GUCY2D: variants seen among roughly 807,000 people sequenced by gnomAD.
The protein encoded by GUCY2D is retinal guanylyl cyclase 1.
GUCY2D carries 70 observed loss-of-function variants against 101.3 expected under a neutral mutation model. The ratio of observed to expected loss-of-function variants is 0.69; its 90% CI spans 0.57 to 0.84. The LOEUF (loss-of-function observed/expected upper bound fraction) is 0.84. GUCY2D is among the 40% of genes least tolerant of loss of function. The probability of loss-of-function intolerance (pLI) is 0.00; values close to 1 mark genes in which losing one functional copy is unlikely to be tolerated. For synonymous variants in GUCY2D, 688 were observed against 670.7 expected (o/e 1.03, Z -0.40); for missense variants, 1,460 against 1,542.5 (o/e 0.95, Z 0.90).
Position 8,016,477 on chromosome 17 carries a change from C to A in GUCY2D, c.3259C>A (p.Pro1087Thr). 6.3e-7 allele frequency: 1 copy of A among 1,579,698 alleles called. No individual in the cohort carries two copies. Among genetic ancestry groups the A allele is most frequent in the Non-Finnish European group, 8.6e-7 (1 of 1,163,338 alleles). ...CCACGGCATCAGCCTGCAGGAGATC[C>A]CACCCGAGCGGCGACGGAAGCTGGA... ...SNHGISLQEI[P>T]PERRRKLEKA... is the part of the protein sequence containing the mutation. The change falls in exon 19 of 20, where the codon CCA becomes ACA. Residue 1087 changes from proline to threonine, a missense_variant. Pro to Thr is a conservative substitution (Grantham distance 38). Coordinates refer to ENST00000254854, the MANE Select transcript of GUCY2D (RefSeq NM_000180.4).
chr17:8,005,889 GT>G (rs1003249705), intron 3 of GUCY2D, among the ~76,000 whole-genome samples: 2 of 152,058 alleles, frequency 1.3e-5, no homozygotes, highest in African/African-American at 2.4e-5. Context: ...TTTTTGTTTA[GT>G]TTTTTTGTTT....
At chr17:8,012,089 C>T (rs1975860369) in intron 8 of GUCY2D, 55 bp from the exon 9 acceptor site, 3 of 1,208,416 alleles carry the variant, frequency 2.5e-6, no homozygotes. Flanking sequence ...TGATTAACAG[C>T]CCCTTCCCCA....
chr17:8,005,702 C>G (rs1360110893), intron 3 of GUCY2D, among the ~76,000 whole-genome samples: 1 of 152,132 alleles, frequency 6.6e-6, no homozygotes, highest in African/African-American at 2.4e-5. Flanking sequence ...ATTGCACTGC[C>G]TGAACACCCC....
chr17:8,012,185 G>A lies in GUCY2D; in HGVS notation c.1791G>A (p.Gly597=), dbSNP rs756031060. Residue 597 remains glycine (G), a synonymous_variant, in exon 9 of 20, where the codon GGG becomes GGA. Transcript: ENST00000254854. Reference sequence around the variant, plus strand: ...ATGAGAACGTGGCCCTCTACCTGGGGCTTTTCCTGGCTCGGGGAGCAGAAG... The same window carrying A: ...ATGAGAACGTGGCCCTCTACCTGGGACTTTTCCTGGCTCGGGGAGCAGAAG... ...LRHENVALYL[G]LFLARGAEGP... The A allele has an allele frequency of 9.3e-6, 15 of 1,614,144 alleles. No individual in the cohort carries two copies. The highest frequency in any genetic ancestry group is 3.3e-4 in the Middle Eastern group (2 of 6,006).
At position 8,007,957 on chromosome 17, in the gene GUCY2D, G is replaced by A. The variant is rs770148893; in HGVS notation, c.1593G>A (p.Leu531=). 5 of 1,613,462 alleles carry A rather than the reference G, an allele frequency of 3.1e-6. No homozygotes were observed. Among genetic ancestry groups the A allele is most frequent in the Non-Finnish European group, 4.2e-6 (5 of 1,179,454 alleles). Residue 531 remains leucine, a synonymous_variant, in exon 7 of 20, where the codon CTG becomes CTA. Transcript: ENST00000254854. ...TGGCCCAGGGGAGTCGATCAAGTCT[G>A]GGTGCCCGCAGCATGTCAGACATTC... The part of the protein sequence containing the change: ...RKVAQGSRSS[L]GARSMSDIRS...
Position 8,003,388 on chromosome 17 carries a change from T to G in GUCY2D, c.341T>G (p.Val114Gly). The change falls in exon 2 of 20, where the codon GTG becomes GGG. Residue 114 changes from valine to glycine, a missense_variant. Val to Gly is a moderately radical substitution (Grantham distance 109). This residue lies in a region of GUCY2D where 1,196 missense variants were observed against 1,229.6 expected (regional missense o/e 0.97). Transcript: ENST00000254854. ...CGGACGCCGGGCTCGCTGGGGGCCG[T>G]GTCCTCCGCGCTGGCCCGCGTGTCG... is the stretch of plus-strand genomic sequence containing the variant. ...PCRTPGSLGA[V>G]SSALARVSGL... 1.4e-6 allele frequency: 2 copies of G among 1,474,798 alleles called. No homozygotes were observed. The highest frequency in any genetic ancestry group is 1.8e-6 in the Non-Finnish European group (2 of 1,120,238). The allele number at this position is 1,474,798 out of a possible 1,614,324, so 91.4% of individuals were successfully genotyped here.
chr17:8,006,534 C>G lies in GUCY2D; in HGVS notation c.1198C>G (p.Pro400Ala). ...FCGDLGGDEE[P>A]PFVLLDTDAA... ...CGGGGACCTAGGAGGAGACGAGGAG[C>G]CCCCATTCGTGCTGCTAGACACGGA... Residue 400 changes from proline to alanine, a missense_variant, in exon 4 of 20, where the codon CCC becomes GCC. Transcript: ENST00000254854. 6.2e-7 allele frequency: 1 copy of G among 1,611,832 alleles called. No individual in the cohort carries two copies. The highest frequency in any genetic ancestry group is 8.5e-7 in the Non-Finnish European group (1 of 1,180,010).
chr17:8,006,001 T>C (rs1012574995), intron 3 of GUCY2D, among the ~76,000 whole-genome samples: 6 of 152,194 alleles, frequency 3.9e-5, no homozygotes, highest in Admixed American at 3.3e-4. Context: ...TAAAACTATA[T>C]GCTGGGCAAC....
chr17:8,007,250 T>G (rs1975763051), intron 5 of GUCY2D, 106 bp downstream of exon 5: 2 of 1,001,240 alleles, frequency 2.0e-6, no homozygotes, highest in Admixed American at 1.7e-5. Context: ...AGGAGATTTT[T>G]CTTGGGGTGA....
intron 16 of GUCY2D, 29 bp from the exon 17 acceptor site, chr17:8,015,898 C>T (rs375574116): frequency 5.0e-6 from 8 of 1,597,306 alleles, no homozygotes; most frequent in East Asian, 2.3e-5. Flanking sequence ...AGGTGAGTCC[C>T]GAGCTCACGG....
rs777699097 is a variant in GUCY2D, at chr17:8,012,192, C to A, written c.1798C>A (p.Leu600Met). 3.1e-6 allele frequency: 5 copies of A among 1,614,176 alleles called. No individual in the cohort carries two copies. The highest frequency in any genetic ancestry group is 4.2e-6 in the Non-Finnish European group (5 of 1,180,032). ...ENVALYLGLF[L>M]ARGAEGPAAL... ...CGTGGCCCTCTACCTGGGGCTTTTC[C>A]TGGCTCGGGGAGCAGAAGGCCCTGC... Residue 600 changes from leucine to methionine, a missense_variant, in exon 9 of 20, where the codon CTG becomes ATG. Leu to Met is a conservative substitution (Grantham distance 15, BLOSUM62 2). This residue lies in a region of GUCY2D where 1,196 missense variants were observed against 1,229.6 expected (regional missense o/e 0.97). Transcript: ENST00000254854.
In GUCY2D at chr17:8,003,400, TGGCCCGCGTGTC is replaced by T; in HGVS notation, c.356_367del (p.Ala119_Ser122del). 6.7e-7 allele frequency: 1 copy of T among 1,492,232 alleles called. No homozygotes were observed. Among genetic ancestry groups the T allele is most frequent in the Non-Finnish European group, 8.9e-7 (1 of 1,128,240 alleles). The allele number at this position is 1,492,232 out of a possible 1,614,324, so 92.4% of individuals were successfully genotyped here. A position where few individuals can be genotyped will look rare whatever the true frequency, so the allele number is the denominator to read the frequency against. On this transcript the variant is annotated inframe_deletion, in exon 2 of 20. Coordinates refer to ENST00000254854, the MANE Select transcript of GUCY2D (RefSeq NM_000180.4). ...TCGCTGGGGGCCGTGTCCTCCGCGC[TGGCCCGCGTGTC>T]GGGCCTCGTGGGTCCGGTGAACCCT...
chr17:8,004,242 A>G, intron 3 of GUCY2D, 86 bp downstream of exon 3: 6 of 1,215,592 alleles, frequency 4.9e-6, no homozygotes, highest in Non-Finnish European at 6.8e-6. Context: ...GCCAATGGAG[A>G]AAGAACCACT....
chr17:8,015,102 G>C, intron 14 of GUCY2D, 51 bp downstream of exon 14: 1 of 1,506,284 alleles, frequency 6.6e-7, no homozygotes, highest in Non-Finnish European at 9.2e-7. Flanking sequence ...AGCTTCACCA[G>C]CCTCCAGCCC....
Position 8,006,405 on chromosome 17 carries a change from C to A in GUCY2D, c.1069C>A (p.Leu357Met). The change falls in exon 4 of 20, where the codon CTG becomes ATG. Residue 357 changes from leucine (L) to methionine (M), a missense_variant. Around this residue, in one of 3 missense-constraint regions of GUCY2D, gnomAD observed 1,196 missense variants for 1,229.6 expected, o/e 0.97. Transcript: ENST00000254854. ...CACCATCTATGACGCGGTCTTCTTGCTGGCAAGGGGCGTGGCAGAAGCGCG... is the reference window on the plus strand; with the variant it reads ...CACCATCTATGACGCGGTCTTCTTGATGGCAAGGGGCGTGGCAGAAGCGCG... ...FGTIYDAVFLLARGVAEARAA... is the reference protein window; with the variant it reads ...FGTIYDAVFLMARGVAEARAA... 2 of 1,601,972 alleles carry A rather than the reference C, an allele frequency of 1.2e-6. No individual in the cohort carries two copies. Among genetic ancestry groups the A allele is most frequent in the Middle Eastern group, 1.6e-4 (1 of 6,062 alleles).
chr17:8,014,203 T>G lies in GUCY2D; in HGVS notation c.2412+175T>G. 1 of 664,846 alleles carries G rather than the reference T, an allele frequency of 1.5e-6. No individual in the cohort carries two copies. Among genetic ancestry groups the G allele is most frequent in the Non-Finnish European group, 2.7e-6 (1 of 370,824 alleles). The allele number at this position is 664,846 out of a possible 1,614,324, so 41.2% of individuals were successfully genotyped here. A position where few individuals can be genotyped will look rare whatever the true frequency, so the allele number is the denominator to read the frequency against. On this transcript the variant is annotated intron_variant, in intron 12 of 19. Coordinates refer to ENST00000254854, the MANE Select transcript of GUCY2D (RefSeq NM_000180.4). This position sits in a 1 kb window ranked among gnomAD's most constrained non-coding sequence, Gnocchi z 4.0. ...GGGGGCAGAATTGGAATGGGGGCTG[T>G]GGAGGCTTTTGGAGTGGGAGATAGA...
chr17:8,005,391 G>C (rs1480701598), intron 3 of GUCY2D, among the ~76,000 whole-genome samples: 1 of 152,116 alleles, frequency 6.6e-6, no homozygotes, highest in Non-Finnish European at 1.5e-5. Flanking sequence ...GGCTTCTGTT[G>C]CCCTGGATAG....
In GUCY2D at chr17:8,013,556, G is replaced by A; in HGVS notation, c.2263+304G>A. 1.7e-6 allele frequency: 1 copy of A among 574,476 alleles called. No homozygotes were observed. The highest frequency in any genetic ancestry group is 3.1e-6 in the Non-Finnish European group (1 of 320,910). The allele number at this position is 574,476 out of a possible 1,614,324, so 35.6% of individuals were successfully genotyped here. The stretch of plus-strand genomic sequence containing the variant: ...AGGGGTCCCTGGGAGGAGCAGGGGA[G>A]GGGGAGTGGGTGCATCCCTTCTGCA... On this transcript the variant is annotated intron_variant, in intron 11 of 19. Coordinates refer to ENST00000254854, the MANE Select transcript of GUCY2D (RefSeq NM_000180.4). This position sits in a 1 kb window ranked among gnomAD's most constrained non-coding sequence, Gnocchi z 5.0.
chr17:8,014,497 G>T lies in GUCY2D; in HGVS notation c.2413-104G>T. 1.0e-5 allele frequency: 11 copies of T among 1,051,170 alleles called. No individual in the cohort carries two copies. Among genetic ancestry groups the T allele is most frequent in the Middle Eastern group, 2.7e-4 (1 of 3,758 alleles). The allele number at this position is 1,051,170 out of a possible 1,614,324, so 65.1% of individuals were successfully genotyped here. On this transcript the variant is annotated intron_variant, in intron 12 of 19. Transcript: ENST00000254854. This position sits in a 1 kb window ranked among gnomAD's most constrained non-coding sequence, Gnocchi z 4.0. Reference sequence around the variant, plus strand: ...TAGATGAATGGTGGCAGCGGGGTTGGGGTTCAGAGTGAACAGCCCCATGAG... The same window carrying T: ...TAGATGAATGGTGGCAGCGGGGTTGTGGTTCAGAGTGAACAGCCCCATGAG...
Sources: allele counts gnomAD v4.1 joint callset (sites outside exome capture counted in the v4.1 genomes callset), GRCh38; gene constraint gnomAD v4.1.1; regional missense constraint gnomAD v4.1.1; non-coding constraint Gnocchi (gnomAD v3.1); transcripts MANE v1.5; gene names NCBI Gene and HGNC (gene_info 2026-07-23, HGNC 2026-07-21).